GFOD1: variants seen among roughly 807,000 people sequenced by gnomAD.
GFOD1 encodes glucose-fructose oxidoreductase domain-containing protein 1.
Under a neutral mutation model 25.4 loss-of-function variants are expected in GFOD1, and 9 were observed. The observed-to-expected ratio is 0.35, with a 90% CI of 0.21 to 0.62. GFOD1 has a LOEUF of 0.62. Among genes scored for constraint, GFOD1 ranks in the 20% least tolerant of loss-of-function variants. GFOD1 has a pLI of 0.72. For synonymous variants in GFOD1, 253 were observed against 245.6 expected (o/e 1.03, Z -0.28); for missense variants, 403 against 556.9 (o/e 0.72, Z 2.78).
chr6:13,445,102 G>A (rs1406457047), intron 1 of GFOD1, among the ~76,000 whole-genome samples: 3 of 152,086 alleles, frequency 2.0e-5, no homozygotes, highest in Non-Finnish European at 4.4e-5. Flanking sequence ...ACACTGGCAG[G>A]GACTAAACAC....
Position 13,363,189 on chromosome 6 carries a change from T to C in GFOD1, c.*1554A>G, listed in dbSNP as rs2127553861. Reference sequence around the variant, plus strand: ...TAAAGAATGGTTTCAGCGACATTTGTCGGTAGCAACCATTCAAAAATCTGT... The same window carrying C: ...TAAAGAATGGTTTCAGCGACATTTGCCGGTAGCAACCATTCAAAAATCTGT... On this transcript the variant is annotated 3_prime_UTR_variant, in exon 2 of 2. Coordinates refer to ENST00000379287, the MANE Select transcript of GFOD1 (RefSeq NM_018988.4). 1 of 152,100 alleles carries C rather than the reference T, an allele frequency of 6.6e-6. No individual in the cohort carries two copies. The highest frequency in any genetic ancestry group is 2.4e-5 in the African/African-American group (1 of 41,498). 9.4% of individuals were successfully genotyped at this position (152,100 alleles called of 1,614,324 possible).
chr6:13,397,407 T>A (rs1785754232), intron 1 of GFOD1, among the ~76,000 whole-genome samples: 2 of 152,222 alleles, frequency 1.3e-5, no homozygotes, highest in Non-Finnish European at 2.9e-5. Context: ...TGTCTCTCCA[T>A]CTGAGGACTC....
intron 1 of GFOD1, chr6:13,470,683 A>G: frequency 6.9e-7 from 1 of 1,439,274 alleles, no homozygotes; most frequent in South Asian, 1.5e-5. Context: ...ATTTTCTACC[A>G]CCCACTTTTG....
chr6:13,364,965 G>A lies in GFOD1; in HGVS notation c.951C>T (p.Phe317=), dbSNP rs1342258600. ...IKMMQAVRQA[F]QDQDDRRTWD... Reference sequence around the variant, plus strand: ...ACGTGCGCCGGTCGTCCTGGTCCTGGAAGGCCTGGCGCACCGCCTGCATCA... The same window carrying A: ...ACGTGCGCCGGTCGTCCTGGTCCTGAAAGGCCTGGCGCACCGCCTGCATCA... Residue 317 remains phenylalanine, a synonymous_variant, in exon 2 of 2, where the codon TTC becomes TTT. Transcript: ENST00000379287. This position sits in a 1 kb window ranked among gnomAD's most constrained non-coding sequence, Gnocchi z 4.1. 6.2e-7 allele frequency: 1 copy of A among 1,610,010 alleles called. No individual in the cohort carries two copies. The highest frequency in any genetic ancestry group is 8.5e-7 in the Non-Finnish European group (1 of 1,179,732).
In GFOD1 at chr6:13,363,856, G is replaced by A. The variant is rs946896509; in HGVS notation, c.*887C>T. The A allele has an allele frequency of 7.2e-5, 11 of 152,158 alleles. No individual in the cohort carries two copies. Among genetic ancestry groups the A allele is most frequent in the African/African-American group, 2.4e-4 (10 of 41,430 alleles). 9.4% of individuals were successfully genotyped at this position (152,158 alleles called of 1,614,324 possible). On this transcript the variant is annotated 3_prime_UTR_variant, in exon 2 of 2. Transcript: ENST00000379287. ...TTCTTGGCCCTGCCTGGAGAGCCAC[G>A]TGGCAGGGCTACCTTAACACCGCAG...
chr6:13,410,150 A>C (rs1012865372), intron 1 of GFOD1, among the ~76,000 whole-genome samples: 1 of 152,068 alleles, frequency 6.6e-6, no homozygotes, highest in Non-Finnish European at 1.5e-5. Flanking sequence ...AAGATGCCTT[A>C]ACTTCAGATA....
chr6:13,384,577 G>A (rs1785428639), intron 1 of GFOD1, among the ~76,000 whole-genome samples: 1 of 152,172 alleles, frequency 6.6e-6, no homozygotes, highest in South Asian at 2.1e-4. Context: ...TTGCTGTAGA[G>A]ACTTTTTAGT....
chr6:13,470,601 T>A (rs758824653), intron 1 of GFOD1: 242 of 1,494,506 alleles, frequency 1.6e-4, no homozygotes, highest in Middle Eastern at 5.2e-4. Flanking sequence ...TTTTTCTGTC[T>A]GCTGATTTTC....
At chr6:13,385,263 A>G (rs1785445598) in intron 1 of GFOD1, among the ~76,000 whole-genome samples, 1 of 152,194 alleles carries the variant, frequency 6.6e-6, no homozygotes, top group African/African-American at 2.4e-5. Context: ...ATCTCAAGAC[A>G]GGACAGGCAG....
chr6:13,424,409 A>G (rs946707536), intron 1 of GFOD1, among the ~76,000 whole-genome samples: 1 of 152,176 alleles, frequency 6.6e-6, no homozygotes, highest in Non-Finnish European at 1.5e-5. Flanking sequence ...ATCCTCTTTA[A>G]ACAGAGAAGC....
intron 1 of GFOD1, chr6:13,486,233 C>T: frequency 1.6e-6 from 1 of 615,822 alleles, no homozygotes; most frequent in Non-Finnish European, 2.0e-6. Context: ...GCACAACCCT[C>T]CTCCACCCCC....
intron 1 of GFOD1, among the ~76,000 whole-genome samples, chr6:13,390,086 T>C (rs1041386463): frequency 1.3e-5 from 2 of 152,136 alleles, no homozygotes; most frequent in Non-Finnish European, 2.9e-5. Context: ...ACATCCCCCC[T>C]GAGGACCCCA....
intron 1 of GFOD1, among the ~76,000 whole-genome samples, chr6:13,415,775 A>G (rs1456753495): frequency 6.6e-6 from 1 of 152,244 alleles, no homozygotes; most frequent in Non-Finnish European, 1.5e-5. Flanking sequence ...CATGATGGCC[A>G]TCCGCCTAAC....
rs1554200663 is a variant in GFOD1 at position 13,390,810 on chromosome 6, A to AGGAAGGAG, written c.254-25149_254-25148insCTCCTTCC. Among the ~76,000 whole-genome samples, 238 of 151,356 alleles carry AGGAAGGAG rather than the reference A, an allele frequency of 1.6e-3. 8 individuals are homozygous for AGGAAGGAG. The East Asian group carries it at 0.037, about 23-fold the overall frequency. On this transcript the variant is annotated intron_variant, in intron 1 of 1. Transcript: ENST00000379287. ...AAGGAAGGAAGGAAGGAAGGAAGGA[A>AGGAAGGAG]GGAAGGAAGGAAGGAAGGATAATAA...
chr6:13,407,855 G>A (rs917283282), intron 1 of GFOD1: 6 of 495,544 alleles, frequency 1.2e-5, no homozygotes, highest in Non-Finnish European at 1.6e-5. Context: ...TAATGTAGAC[G>A]GTGATGAAAT....
chr6:13,377,294 T>C (rs1313051784), intron 1 of GFOD1, among the ~76,000 whole-genome samples: 1 of 152,172 alleles, frequency 6.6e-6, no homozygotes, highest in African/African-American at 2.4e-5. Context: ...ACAACACCCA[T>C]TTACTGCTTT....
At chr6:13,436,940 G>A (rs1311746899) in intron 1 of GFOD1, among the ~76,000 whole-genome samples, 1 of 152,216 alleles carries the variant, frequency 6.6e-6, no homozygotes, top group Non-Finnish European at 1.5e-5. Context: ...TGCAGAGCCA[G>A]CTCATATGGA....
chr6:13,474,333 C>G (rs866994047), intron 1 of GFOD1, among the ~76,000 whole-genome samples: 1 of 152,018 alleles, frequency 6.6e-6, no homozygotes, highest in African/African-American at 2.4e-5. Context: ...GAGCTGAGAT[C>G]GTGCCACTTC....
intron 1 of GFOD1, chr6:13,470,257 C>G: frequency 6.3e-7 from 1 of 1,594,594 alleles, no homozygotes; most frequent in Non-Finnish European, 8.6e-7. Flanking sequence ...GCTCATGAAG[C>G]ACATCCCTCC....
Sources: gnomAD v4.1 joint callset for allele counts (sites outside exome capture counted in the v4.1 genomes callset) on GRCh38, gnomAD v4.1.1 for gene constraint, Gnocchi (gnomAD v3.1) non-coding constraint, MANE v1.5 for transcripts, NCBI Gene and HGNC (gene_info 2026-07-23, HGNC 2026-07-21) for gene names.